Variants in SORCS1 observed in about 807,000 individuals in gnomAD.
The protein encoded by SORCS1 is VPS10 domain-containing receptor SorCS1.
Under a neutral mutation model 146.1 loss-of-function variants are expected in SORCS1, and 60 were observed. The ratio of observed to expected loss-of-function variants is 0.41; its 90% CI spans 0.33 to 0.51. SORCS1 has a LOEUF of 0.51. Ranked by LOEUF, SORCS1 falls within the 20% of genes least tolerant of loss-of-function variation. SORCS1 has a pLI of 0.21. For missense variants in SORCS1, 1,352 were observed against 1,487.6 expected, an observed-to-expected ratio of 0.91 and a Z score of 1.50; for synonymous variants, 637 against 584.0, an observed-to-expected ratio of 1.09 and a Z score of -1.31.
At chr10:107,155,415 A>G (rs1416003634) in intron 1 of SORCS1, among the ~76,000 whole-genome samples, 1 of 152,194 alleles carries the variant, frequency 6.6e-6, no homozygotes, top group African/African-American at 2.4e-5. Context: ...CCATCAGGTC[A>G]TTCAAAAGCA....
At chr10:106,721,165 T>G (rs1487662105) in intron 6 of SORCS1, among the ~76,000 whole-genome samples, 2 of 151,958 alleles carry the variant, frequency 1.3e-5, no homozygotes, top group African/African-American at 4.8e-5. Flanking sequence ...AGAATGTGCA[T>G]TTTCTCAGCA....
At chr10:106,622,811 T>C (rs1342005615) in intron 19 of SORCS1, among the ~76,000 whole-genome samples, 2 of 152,230 alleles carry the variant, frequency 1.3e-5, no homozygotes, top group Non-Finnish European at 2.9e-5. Flanking sequence ...CCCCAGGTCA[T>C]ACAGCTAGGA....
At chr10:107,036,094 ATG>A (rs1958895528) in intron 1 of SORCS1, among the ~76,000 whole-genome samples, 1 of 151,926 alleles carries the variant, frequency 6.6e-6, no homozygotes, top group African/African-American at 2.4e-5. Context: ...GCCCATCTGT[ATG>A]TATAGTTTCA....
At chr10:106,742,090 T>C (rs1382846975) in intron 5 of SORCS1, among the ~76,000 whole-genome samples, 2 of 152,254 alleles carry the variant, frequency 1.3e-5, no homozygotes, top group South Asian at 2.1e-4. Flanking sequence ...TCAGTAAAGC[T>C]TGGAAGGGAG....
rs539091948 is a variant in SORCS1, at chr10:106,881,313, C to T, written c.627-51640G>A. 4.7e-4 allele frequency among the ~76,000 whole-genome samples: 71 copies of T among 152,248 alleles called. 1 individual carries two copies. The highest frequency in any genetic ancestry group is 1.7e-3 in the African/African-American group (69 of 41,554). On this transcript the variant is annotated intron_variant, in intron 2 of 25. Transcript: ENST00000263054. Reference sequence around the variant, plus strand: ...CAAAATAGGAACAGCAGTGCCTAATCCTTAAGTAAGTGTTGAAGATTAAAA... The same window carrying T: ...CAAAATAGGAACAGCAGTGCCTAATTCTTAAGTAAGTGTTGAAGATTAAAA...
At chr10:106,735,212 T>C (rs966738492) in intron 5 of SORCS1, among the ~76,000 whole-genome samples, 4 of 151,606 alleles carry the variant, frequency 2.6e-5, no homozygotes, top group Non-Finnish European at 5.9e-5. Context: ...CTATCAAAAT[T>C]ATTGATTGTC....
intron 14 of SORCS1, among the ~76,000 whole-genome samples, chr10:106,674,771 G>T (rs1373863564): frequency 6.6e-6 from 1 of 152,064 alleles, no homozygotes; most frequent in Non-Finnish European, 1.5e-5. Flanking sequence ...ACATATCCAG[G>T]TTCTTTATTA....
rs185273942 is a variant in SORCS1, at chr10:106,972,367, C to A, written c.559-15787G>T. On this transcript the variant is annotated intron_variant, in intron 1 of 25. Transcript: ENST00000263054. Reference sequence around the variant, plus strand: ...CTACACTCCAGCCTGGGTGACAGAGCGAGACTCTGTCTCAAAAAAAAAAAA... The same window carrying A: ...CTACACTCCAGCCTGGGTGACAGAGAGAGACTCTGTCTCAAAAAAAAAAAA... Among the ~76,000 whole-genome samples the A allele has an allele frequency of 2.2e-5, 3 of 137,938 alleles. No individual in the cohort carries two copies. The Admixed American group carries it at 2.3e-4, about 11-fold the overall frequency. 90.5% of individuals were successfully genotyped at this position (137,938 alleles called of 152,430 possible).
At chr10:106,946,513 C>CT (rs1954352492) in intron 2 of SORCS1, among the ~76,000 whole-genome samples, 1 of 152,208 alleles carries the variant, frequency 6.6e-6, no homozygotes, top group Admixed American at 6.5e-5. Flanking sequence ...CCTGCACAAA[C>CT]TCTCTCGCCT....
chr10:107,164,444 G>T lies in SORCS1; in HGVS notation c.83C>A (p.Ala28Asp). The T allele has an allele frequency of 7.1e-7, 1 of 1,407,052 alleles. No homozygotes were observed. Among genetic ancestry groups the T allele is most frequent in the Non-Finnish European group, 9.2e-7 (1 of 1,087,220 alleles). 87.2% of individuals were successfully genotyped at this position (1,407,052 alleles called of 1,614,324 possible). ...LAGAGLLILC[A>D]PGVCGGGSCC... Reference sequence around the variant, plus strand: ...GGAGCCGCCGCCGCAGACGCCCGGGGCGCAGAGGATCAAGAGCCCCGCGCC... The same window carrying T: ...GGAGCCGCCGCCGCAGACGCCCGGGTCGCAGAGGATCAAGAGCCCCGCGCC... The change falls in exon 1 of 26, where the codon GCC (alanine) becomes GAC (aspartate). Residue 28 changes from alanine to aspartate, a missense_variant. This residue lies in a region of SORCS1 where 490 missense variants were observed against 489.1 expected (regional missense o/e 1.00). Coordinates refer to ENST00000263054, the MANE Select transcript of SORCS1 (RefSeq NM_052918.5). This position sits in a 1 kb window ranked among gnomAD's most constrained non-coding sequence, Gnocchi z 6.8.
chr10:106,761,691 T>C, intron 4 of SORCS1, 30 bp from the exon 5 acceptor site: 1 of 1,584,246 alleles, frequency 6.3e-7, no homozygotes, highest in East Asian at 2.2e-5. Flanking sequence ...CTCAGCACTA[T>C]GGTTCTATAG....
chr10:106,649,936 CT>C (rs1392010258), intron 18 of SORCS1, among the ~76,000 whole-genome samples: 1 of 151,984 alleles, frequency 6.6e-6, no homozygotes, highest in Admixed American at 6.6e-5. Context: ...TTTACAATTT[CT>C]ATTTGGTATT....
intron 18 of SORCS1, among the ~76,000 whole-genome samples, chr10:106,652,020 C>G (rs1849901511): frequency 6.6e-6 from 1 of 152,166 alleles, no homozygotes; most frequent in South Asian, 2.1e-4. Flanking sequence ...GTATTAGCAT[C>G]TCTTAGGTTA....
At position 106,639,816 on chromosome 10, in the gene SORCS1, G is replaced by A. The variant is rs531536491; in HGVS notation, c.2476-10428C>T. 8.3e-4 allele frequency among the ~76,000 whole-genome samples: 126 copies of A among 152,098 alleles called. 2 individuals are homozygous for A. The highest frequency in any genetic ancestry group is 3.1e-3 in the South Asian group (15 of 4,818). On this transcript the variant is annotated intron_variant, in intron 18 of 25. Coordinates refer to ENST00000263054, the MANE Select transcript of SORCS1 (RefSeq NM_052918.5). ...ACCTGCCTCACGAGGTCAGGAGATCGAGACCATCCTGGCCAACATGGTGAA... is the reference window on the plus strand; with the variant it reads ...ACCTGCCTCACGAGGTCAGGAGATCAAGACCATCCTGGCCAACATGGTGAA...
At chr10:107,105,737 G>C (rs544272519) in intron 1 of SORCS1, among the ~76,000 whole-genome samples, 1 of 149,246 alleles carries the variant, frequency 6.7e-6, no homozygotes, top group Admixed American at 6.7e-5. Context: ...ATTGAGGGTG[G>C]GTCTGCCTCT....
chr10:106,649,802 ATTTC>A (rs1849725753), intron 18 of SORCS1, among the ~76,000 whole-genome samples: 2 of 151,434 alleles, frequency 1.3e-5, no homozygotes. Context: ...TCTATATTCT[ATTTC>A]TTTCTTTTAT....
In SORCS1 at chr10:107,108,894, G is replaced by A. The variant is rs565990846; in HGVS notation, c.558+55075C>T. On this transcript the variant is annotated intron_variant, in intron 1 of 25. Coordinates refer to ENST00000263054, the MANE Select transcript of SORCS1 (RefSeq NM_052918.5). ...TTCTCATTCCAAAAGGGAGAAGTCA[G>A]CCAAAAGAAAGGGGCTACAGGCTTT... Among the ~76,000 whole-genome samples, 3 of 152,330 alleles carry A rather than the reference G, an allele frequency of 2.0e-5. No homozygotes were observed. In the South Asian group the frequency reaches 6.2e-4, roughly 32 times the overall value.
chr10:106,827,314 T>C (rs1464175283), intron 3 of SORCS1, among the ~76,000 whole-genome samples: 1 of 151,886 alleles, frequency 6.6e-6, no homozygotes, highest in Admixed American at 6.6e-5. Flanking sequence ...CATTTTCCTA[T>C]ATTAGTTTAC....
intron 1 of SORCS1, among the ~76,000 whole-genome samples, chr10:106,957,162 T>TG (rs1954988257): frequency 5.5e-5 from 1 of 18,162 alleles, no homozygotes; most frequent in Non-Finnish European, 1.3e-4. Context: ...GTGGTTTTTT[T>TG]TTGTTTTTTT....
Sources: gnomAD v4.1 joint callset for allele counts (sites outside exome capture counted in the v4.1 genomes callset) on GRCh38, gnomAD v4.1.1 for gene constraint, gnomAD v4.1.1 regional missense constraint, Gnocchi (gnomAD v3.1) non-coding constraint, MANE v1.5 for transcripts, NCBI Gene and HGNC (gene_info 2026-07-23, HGNC 2026-07-21) for gene names.